Variants in RPGR observed in about 807,000 individuals in gnomAD.
The protein encoded by RPGR is retinitis pigmentosa GTPase regulator.
A neutral mutation model predicts 56.3 loss-of-function variants in RPGR; 10 were observed. That is an observed-to-expected ratio of 0.18 (90% CI 0.11 to 0.30). The LOEUF is 0.30. Ranked by LOEUF, RPGR falls within the 10% of genes least tolerant of loss-of-function variation. RPGR has a pLI of 1.00. For synonymous variants in RPGR, 197 were observed against 212.9 expected (o/e 0.93, Z 0.65); for missense variants, 538 against 590.9 (o/e 0.91, Z 0.93).
intron 6 of RPGR, 123 bp downstream of exon 6, chrX:38,317,193 A>C (rs2067842016): frequency 1.3e-6 from 1 of 750,050 alleles, no homozygotes; most frequent in Non-Finnish European, 2.0e-6. Flanking sequence ...AGACCAAAAT[A>C]ATTTCATTAC....
At chrX:38,291,304 A>T in intron 12 of RPGR, 89 bp downstream of exon 12, 1 of 558,212 alleles carries the variant, frequency 1.8e-6, no homozygotes, top group South Asian at 2.8e-5. Flanking sequence ...TTTCATGCAT[A>T]TAAGAGTATA....
At chrX:38,284,447 G>A (rs764526118) in intron 15 of RPGR, 4 of 748,635 alleles carry the variant, frequency 5.3e-6, no homozygotes, top group Non-Finnish European at 6.3e-6. Context: ...ATTCTGACAA[G>A]GAACAGACAA....
chrX:38,297,226 A>G (rs2067401133), intron 11 of RPGR, 58 bp downstream of exon 11: 1 of 1,106,630 alleles, frequency 9.0e-7, no homozygotes, highest in Admixed American at 2.2e-5. Context: ...ATAAACATAA[A>G]AACTACAGGA....
At chrX:38,291,146 T>A (rs965770721) in intron 12 of RPGR, 122 bp from the exon 13 acceptor site, 30 of 179,576 alleles carry the variant, frequency 1.7e-4, no homozygotes, top group Non-Finnish European at 2.6e-4. Flanking sequence ...TATATATATA[T>A]AAAATGAAGG....
chrX:38,292,714 G>C (rs1425855022), intron 11 of RPGR, among the ~76,000 whole-genome samples: 1 of 112,206 alleles, frequency 8.9e-6, no homozygotes, highest in Non-Finnish European at 1.9e-5. Context: ...TTGCAATTTT[G>C]TTGTTTGCTG....
intron 6 of RPGR, among the ~76,000 whole-genome samples, chrX:38,311,148 G>A (rs1460976848): frequency 1.8e-5 from 2 of 112,410 alleles, no homozygotes; most frequent in Non-Finnish European, 3.8e-5. Flanking sequence ...AATATTTGTG[G>A]AATAAATGAA....
chrX:38,323,613 C>G (rs1289011844), intron 1 of RPGR, 89 bp from the exon 2 acceptor site: 2 of 1,016,480 alleles, frequency 2.0e-6, no homozygotes, highest in Non-Finnish European at 2.7e-6. Flanking sequence ...CATACAAACC[C>G]CTTGTCTCAT....
At position 38,269,732 on chromosome X, in the gene RPGR, A is replaced by T. The variant is rs1251527059; in HGVS notation, c.2342T>A (p.Leu781Ter). The stretch of plus-strand genomic sequence containing the variant: ...GTCGGCATCTTTATTATCACTTTTT[A>T]AAATGATCTGGTCTCCTATGGATTT... The change falls in exon 19 of 19, where the codon TTA becomes TAA. Residue 781 changes from leucine to a stop codon, truncating the protein, a stop_gained. Coordinates refer to ENST00000642395, the MANE Select transcript of RPGR (RefSeq NM_000328.3). LOFTEE classifies it low-confidence loss of function (END_TRUNC). 1 of 1,205,845 alleles carries T rather than the reference A, an allele frequency of 8.3e-7. No homozygotes were observed. The highest frequency in any genetic ancestry group is 1.1e-6 in the Non-Finnish European group (1 of 891,758).
intron 10 of RPGR, chrX:38,298,269 C>CA (rs10719444): frequency 0.011 from 2,019 of 183,534 alleles, no homozygotes; most frequent in Non-Finnish European, 0.013. Context: ...GACTCTGTCT[C>CA]AAAAAAAAAA....
intron 7 of RPGR, 155 bp from the exon 8 acceptor site, chrX:38,304,945 A>T: frequency 2.1e-6 from 1 of 484,327 alleles, no homozygotes; most frequent in African/African-American, 2.4e-5. Flanking sequence ...TTGAAGTATA[A>T]ATCTTTCAAT....
chrX:38,281,500 T>G (rs914550893), intron 15 of RPGR, among the ~76,000 whole-genome samples: 4 of 112,284 alleles, frequency 3.6e-5, no homozygotes, highest in African/African-American at 1.3e-4. Context: ...CCAATTTATA[T>G]TTTGCTATTA....
chrX:38,299,516 GAGA>G (rs201364521), intron 9 of RPGR, among the ~76,000 whole-genome samples: 2,197 of 111,780 alleles, frequency 0.02, 38 homozygotes, highest in Middle Eastern at 0.042. Flanking sequence ...AAATTACTCA[GAGA>G]AGTTCTACTA....
chrX:38,292,111 G>A (rs775927077), intron 11 of RPGR, among the ~76,000 whole-genome samples: 1 of 111,040 alleles, frequency 9.0e-6, no homozygotes, highest in South Asian at 3.8e-4. Context: ...ATGTGAATGA[G>A]CTTGGAAGTG....
chrX:38,280,468 G>C (rs2067011420), intron 15 of RPGR, among the ~76,000 whole-genome samples: 1 of 111,119 alleles, frequency 9.0e-6, no homozygotes, highest in Non-Finnish European at 1.9e-5. Context: ...GCCAGCCTCA[G>C]CTCAGCTTCA....
chrX:38,312,891 C>T (rs2067747961), intron 6 of RPGR, among the ~76,000 whole-genome samples: 2 of 109,151 alleles, frequency 1.8e-5, no homozygotes, highest in African/African-American at 3.3e-5. Flanking sequence ...TACAGTGAGC[C>T]GTGATTATGC....
chrX:38,300,684 G>A (rs2067486236), intron 9 of RPGR, among the ~76,000 whole-genome samples: 1 of 111,230 alleles, frequency 9.0e-6, no homozygotes. Context: ...ACAGGCGTGT[G>A]CCATCATACC....
chrX:38,276,729 A>G lies in RPGR; in HGVS notation c.1949T>C (p.Val650Ala), dbSNP rs752091528. The G allele has an allele frequency of 1.5e-5, 18 of 1,208,610 alleles. No individual in the cohort carries two copies. The highest frequency in any genetic ancestry group is 2.0e-5 in the Non-Finnish European group (18 of 894,381). Residue 650 changes from valine to alanine, a missense_variant, in exon 16 of 19, where the codon GTG becomes GCG. This residue lies in a region of RPGR where 357 missense variants were observed against 325.8 expected (regional missense o/e 1.10). Coordinates refer to ENST00000642395, the MANE Select transcript of RPGR (RefSeq NM_000328.3). ...ATTTTCAGCATTAATTTCCTCATCC[A>G]CATCTTCTAGTTTTAGTTCCTCAGT...
intron 1 of RPGR, among the ~76,000 whole-genome samples, chrX:38,327,124 G>A (rs1243411481): frequency 1.8e-5 from 2 of 111,283 alleles, no homozygotes; most frequent in Non-Finnish European, 3.8e-5. Flanking sequence ...AAAAGCATAC[G>A]AAAGACAGGC....
intron 5 of RPGR, 53 bp from the exon 6 acceptor site, chrX:38,317,518 T>C: frequency 9.5e-7 from 1 of 1,057,471 alleles, no homozygotes; most frequent in South Asian, 2.0e-5. Context: ...AGCCAGGCTC[T>C]GAAGCTATTA....
Sources: gnomAD v4.1 joint callset for allele counts (sites outside exome capture counted in the v4.1 genomes callset) on GRCh38, gnomAD v4.1.1 for gene constraint, gnomAD v4.1.1 regional missense constraint, MANE v1.5 for transcripts, NCBI Gene and HGNC (gene_info 2026-07-23, HGNC 2026-07-21) for gene names.